ARHGAP21: variants seen among roughly 807,000 people sequenced by gnomAD.
ARHGAP21 encodes the protein rho GTPase-activating protein 21.
In ARHGAP21, 38 loss-of-function variants were observed where a neutral mutation model predicts 164.6. The ratio of observed to expected loss-of-function variants is 0.23; its 90% confidence interval spans 0.18 to 0.30. The LOEUF is 0.30. Ranked by LOEUF, ARHGAP21 falls within the 10% of genes least tolerant of loss-of-function variation. ARHGAP21 has a pLI of 1.00. For missense variants in ARHGAP21, 1,822 were observed against 2,370.7 expected, an observed-to-expected ratio of 0.77 and a Z score of 4.81; for synonymous variants, 766 against 857.9, an observed-to-expected ratio of 0.89 and a Z score of 1.87.
chr10:24,628,952 CTATATATA>C lies in ARHGAP21; in HGVS notation c.495+1036_495+1043del, dbSNP rs71397962. 5.7e-3 allele frequency: 79 copies of C among 13,762 alleles called. 2 individuals are homozygous for C. Among genetic ancestry groups the C allele is most frequent in the Admixed American group, 0.013 (7 of 530 alleles). The allele number at this position is 13,762 out of a possible 1,614,324, so 0.9% of individuals were successfully genotyped here. On this transcript the variant is annotated intron_variant, in intron 7 of 25. Coordinates refer to ENST00000396432, the MANE Select transcript of ARHGAP21 (RefSeq NM_020824.4). ...ACATACATATATATACACACACACACTATATATATATATATATATATATATATATATTT... is the reference window on the plus strand; with the variant it reads ...ACATACATATATATACACACACACACTATATATATATATATATATATATTT...
chr10:24,619,652 G>T lies in ARHGAP21; in HGVS notation c.2243C>A (p.Pro748Gln). Residue 748 changes from proline (P) to glutamine (Q), a missense_variant, in exon 9 of 26, where the codon CCG becomes CAG. Physicochemically the swap from Pro to Gln is moderately conservative, Grantham distance 76 (BLOSUM62 -1). Coordinates refer to ENST00000396432, the MANE Select transcript of ARHGAP21 (RefSeq NM_020824.4). ...REKPPSGRQT[P>Q]QPLRHQSYIL... Reference sequence around the variant, plus strand: ...GTAAGACTGATGCCTTAAAGGCTGCGGTGTCTGGCGTCCAGATGGAGGTTT... The same window carrying T: ...GTAAGACTGATGCCTTAAAGGCTGCTGTGTCTGGCGTCCAGATGGAGGTTT... The T allele has an allele frequency of 1.2e-6, 2 of 1,614,116 alleles. No individual in the cohort carries two copies. Among genetic ancestry groups the T allele is most frequent in the Non-Finnish European group, 1.7e-6 (2 of 1,180,022 alleles).
chr10:24,594,539 T>A lies in ARHGAP21; in HGVS notation c.3876+411A>T, dbSNP rs182688295. 4.9e-4 allele frequency among the ~76,000 whole-genome samples: 75 copies of A among 152,300 alleles called. 1 individual carries two copies. Among genetic ancestry groups the A allele is most frequent in the Middle Eastern group, 3.4e-3 (1 of 294 alleles). On this transcript the variant is annotated intron_variant, in intron 21 of 25. Coordinates refer to ENST00000396432, the MANE Select transcript of ARHGAP21 (RefSeq NM_020824.4). The stretch of plus-strand genomic sequence containing the variant: ...ATATTAGACAATATAAAGAATATAT[T>A]TTGTTGTGTTTGACAAAGAAAATGT...
At chr10:24,722,922 G>A (rs971554820) in intron 1 of ARHGAP21, among the ~76,000 whole-genome samples, 15 of 152,002 alleles carry the variant, frequency 9.9e-5, no homozygotes, top group African/African-American at 3.1e-4. Context: ...CTACACCCGA[G>A]CAACTCTGAA....
In ARHGAP21 at chr10:24,622,770, A is replaced by G. The variant is rs1472764607; in HGVS notation, c.496-8T>C. Reference sequence around the variant, plus strand: ...ATCCTTTGTAAACTGTAGCTAGCAGAAAATAGGAAAACATAGTAGAAGCTG... The same window carrying G: ...ATCCTTTGTAAACTGTAGCTAGCAGGAAATAGGAAAACATAGTAGAAGCTG... On this transcript the variant is annotated splice_polypyrimidine_tract_variant and splice_region_variant and intron_variant, in intron 7 of 25. Coordinates refer to ENST00000396432, the MANE Select transcript of ARHGAP21 (RefSeq NM_020824.4). 4 of 1,610,358 alleles carry G rather than the reference A, an allele frequency of 2.5e-6. No individual in the cohort carries two copies. The highest frequency in any genetic ancestry group is 3.4e-6 in the Non-Finnish European group (4 of 1,178,616).
At chr10:24,692,299 C>A (rs1842818507) in intron 2 of ARHGAP21, among the ~76,000 whole-genome samples, 1 of 152,144 alleles carries the variant, frequency 6.6e-6, no homozygotes, top group Non-Finnish European at 1.5e-5. Context: ...ATCAGTCTAT[C>A]ATATGATACC....
chr10:24,676,377 G>C (rs1288716175), intron 2 of ARHGAP21, among the ~76,000 whole-genome samples: 3 of 152,214 alleles, frequency 2.0e-5, no homozygotes, highest in Non-Finnish European at 4.4e-5. Flanking sequence ...GACTGGCATA[G>C]GAATGTGATT....
chr10:24,659,622 CTCTT>C (rs1290705463), intron 4 of ARHGAP21, among the ~76,000 whole-genome samples: 1 of 152,196 alleles, frequency 6.6e-6, no homozygotes, highest in African/African-American at 2.4e-5. Context: ...GCCCAGAATC[CTCTT>C]TCTTACGTAT....
chr10:24,599,465 A>G (rs1010459070), intron 14 of ARHGAP21, among the ~76,000 whole-genome samples: 1 of 152,254 alleles, frequency 6.6e-6, no homozygotes, highest in Non-Finnish European at 1.5e-5. Flanking sequence ...ACCAAAGGAA[A>G]AAAAGCACAC....
chr10:24,689,282 T>C (rs932129001), intron 2 of ARHGAP21, among the ~76,000 whole-genome samples: 4 of 152,198 alleles, frequency 2.6e-5, no homozygotes, highest in Non-Finnish European at 4.4e-5. Flanking sequence ...TCATTTTTTT[T>C]CTAATTTATA....
chr10:24,656,199 T>C (rs1838869970), intron 4 of ARHGAP21, among the ~76,000 whole-genome samples: 4 of 129,450 alleles, frequency 3.1e-5, no homozygotes, highest in Non-Finnish European at 4.9e-5. Flanking sequence ...AGCCGCCCCA[T>C]CCGGGAGGGA....
At chr10:24,593,974 T>C (rs1055176818) in intron 21 of ARHGAP21, among the ~76,000 whole-genome samples, 1 of 151,960 alleles carries the variant, frequency 6.6e-6, no homozygotes, top group Non-Finnish European at 1.5e-5. Context: ...GTAATAGAGG[T>C]TGACACTCTT....
chr10:24,698,703 G>C (rs1593326859), intron 2 of ARHGAP21, among the ~76,000 whole-genome samples: 1 of 152,136 alleles, frequency 6.6e-6, no homozygotes. Context: ...TTAAGTTACA[G>C]ATCCAGAAGC....
intron 7 of ARHGAP21, among the ~76,000 whole-genome samples, chr10:24,623,325 C>T (rs1834761161): frequency 6.6e-6 from 1 of 152,096 alleles, no homozygotes; most frequent in Admixed American, 6.6e-5. Context: ...AACACTGTGC[C>T]TTTTGTACTA....
At chr10:24,674,758 T>A (rs1407627164) in intron 2 of ARHGAP21, among the ~76,000 whole-genome samples, 1 of 152,054 alleles carries the variant, frequency 6.6e-6, no homozygotes. Context: ...TACACTTTTA[T>A]GAAAACGAAA....
At chr10:24,704,465 A>ATTTTT in intron 2 of ARHGAP21, among the ~76,000 whole-genome samples, 1 of 142,788 alleles carries the variant, frequency 7.0e-6, no homozygotes, top group Non-Finnish European at 1.5e-5. Flanking sequence ...TTATTTTTCT[A>ATTTTT]TTTTTTTTTT....
chr10:24,717,062 G>A (rs1378476854), intron 2 of ARHGAP21, among the ~76,000 whole-genome samples: 1 of 152,130 alleles, frequency 6.6e-6, no homozygotes, highest in Non-Finnish European at 1.5e-5. Flanking sequence ...AGAAATATAA[G>A]TGAGTGTGTG....
chr10:24,623,547 C>A (rs1212658667), intron 7 of ARHGAP21, among the ~76,000 whole-genome samples: 2 of 152,186 alleles, frequency 1.3e-5, no homozygotes, highest in African/African-American at 4.8e-5. Context: ...TGCATTGACA[C>A]ACCAAGTCTA....
At chr10:24,715,583 T>C (rs989309032) in intron 2 of ARHGAP21, among the ~76,000 whole-genome samples, 4 of 152,058 alleles carry the variant, frequency 2.6e-5, no homozygotes, top group African/African-American at 4.8e-5. Flanking sequence ...TTCCCAAAGG[T>C]AAAAAAGGTG....
chr10:24,680,885 C>G (rs929369144), intron 2 of ARHGAP21, among the ~76,000 whole-genome samples: 2 of 152,098 alleles, frequency 1.3e-5, no homozygotes, highest in African/African-American at 4.8e-5. Flanking sequence ...TATCAGAGTG[C>G]AAGAAGCCAA....
Sources: allele counts gnomAD v4.1 joint callset (sites outside exome capture counted in the v4.1 genomes callset), GRCh38; gene constraint gnomAD v4.1.1; transcripts MANE v1.5; gene names NCBI Gene and HGNC (gene_info 2026-07-23, HGNC 2026-07-21).